The following RERE variants were observed in gnomAD, a reference collection of about 807,000 sequenced individuals.
RERE encodes arginine-glutamic acid dipeptide repeats protein.
In RERE, 40 loss-of-function variants were observed where a neutral mutation model predicts 146.1. The observed-to-expected ratio is 0.27, with a 90% CI of 0.21 to 0.36. RERE has a LOEUF of 0.36. Among genes scored for constraint, RERE ranks in the 10% least tolerant of loss-of-function variants. The probability of loss-of-function intolerance (pLI) is 1.00; values close to 1 mark genes in which losing one functional copy is unlikely to be tolerated. For missense variants in RERE, 1,933 were observed against 2,138.7 expected (o/e 0.90, Z 1.90); for synonymous variants, 1,003 against 866.0 (o/e 1.16, Z -2.78).
intron 1 of RERE, among the ~76,000 whole-genome samples, chr1:8,704,332 T>C (rs1399766407): frequency 6.6e-6 from 1 of 152,228 alleles, no homozygotes; most frequent in Non-Finnish European, 1.5e-5. Context: ...TTAAATGTAT[T>C]CCTATAAAAT....
chr1:8,599,330 T>C (rs1400023062), intron 4 of RERE, among the ~76,000 whole-genome samples: 2 of 152,214 alleles, frequency 1.3e-5, no homozygotes, highest in East Asian at 3.8e-4. Context: ...CTTGTATAAC[T>C]TCCTTCATAC....
intron 1 of RERE, among the ~76,000 whole-genome samples, chr1:8,705,998 C>T (rs1207233295): frequency 1.3e-5 from 2 of 151,094 alleles, no homozygotes; most frequent in Non-Finnish European, 2.9e-5. Flanking sequence ...CACCTGTAGT[C>T]CCAGCTACTA....
At chr1:8,644,539 A>G (rs1647238207) in intron 2 of RERE, among the ~76,000 whole-genome samples, 1 of 152,244 alleles carries the variant, frequency 6.6e-6, no homozygotes, top group African/African-American at 2.4e-5. Flanking sequence ...CTTTTCATGC[A>G]TACAACATGC....
chr1:8,458,568 C>T (rs1411850189), intron 11 of RERE, among the ~76,000 whole-genome samples: 2 of 150,626 alleles, frequency 1.3e-5, no homozygotes, highest in Admixed American at 6.6e-5. Context: ...CAGACGTGTG[C>T]GCATGCGCGC....
intron 11 of RERE, among the ~76,000 whole-genome samples, chr1:8,427,019 T>G (rs1363679219): frequency 6.6e-6 from 1 of 152,200 alleles, no homozygotes; most frequent in East Asian, 1.9e-4. Flanking sequence ...TTTGTCTCCT[T>G]TAAAAATTAT....
At chr1:8,768,356 T>C (rs547025624) in intron 1 of RERE, among the ~76,000 whole-genome samples, 6 of 152,362 alleles carry the variant, frequency 3.9e-5, no homozygotes, top group African/African-American at 1.2e-4. Context: ...TTTCAGAAGA[T>C]AATGAAAGTA....
In RERE at chr1:8,503,083, AT is replaced by A. The variant is rs1392668400; in HGVS notation, c.879+5543del. ...TGCGAGAAACACCCAAGAATGATCA[AT>A]TAAAAATAAATAAATAAATAAATAA... On this transcript the variant is annotated intron_variant, in intron 8 of 22. Coordinates refer to ENST00000400908, the MANE Select transcript of RERE (RefSeq NM_001042681.2). Among the ~76,000 whole-genome samples, 1,400 of 143,614 alleles carry A rather than the reference AT, an allele frequency of 9.7e-3. 28 individuals carry two copies. The highest frequency in any genetic ancestry group is 0.035 in the African/African-American group (1,332 of 38,036). 94.2% of individuals were successfully genotyped at this position (143,614 alleles called of 152,430 possible).
intron 1 of RERE, among the ~76,000 whole-genome samples, chr1:8,700,060 AC>A (rs1283199765): frequency 6.6e-6 from 1 of 152,326 alleles, no homozygotes; most frequent in African/African-American, 2.4e-5. Context: ...TAATACCAGC[AC>A]TTTGGGAGGC....
rs965430028 is a variant in RERE at position 8,487,520 on chromosome 1, G to C, written c.1104+7543C>G. Among the ~76,000 whole-genome samples, 14 of 152,318 alleles carry C rather than the reference G, an allele frequency of 9.2e-5. 1 individual carries two copies. The highest frequency in any genetic ancestry group is 6.5e-4 in the Admixed American group (10 of 15,298). ...TTGAGTCTGGGAGGTCAAGGCTGCA[G>C]TGATTCAAGATTGCTACACTGCACT... On this transcript the variant is annotated intron_variant, in intron 10 of 22. Transcript: ENST00000400908.
At chr1:8,604,876 T>C (rs1646682982) in intron 4 of RERE, among the ~76,000 whole-genome samples, 1 of 152,250 alleles carries the variant, frequency 6.6e-6, no homozygotes, top group Non-Finnish European at 1.5e-5. Flanking sequence ...GCTTCTGTGC[T>C]AAACTTTTGT....
chr1:8,358,987 G>A (rs1342807028), intron 19 of RERE, 71 bp from the exon 20 acceptor site: 2 of 1,475,366 alleles, frequency 1.4e-6, no homozygotes, highest in African/African-American at 1.4e-5. Flanking sequence ...ACACTGCGGA[G>A]GTGGGCCTGG....
chr1:8,529,228 A>C (rs1645607272), intron 7 of RERE, among the ~76,000 whole-genome samples: 3 of 151,632 alleles, frequency 2.0e-5, no homozygotes, highest in Admixed American at 6.6e-5. Context: ...AAAAATTTTA[A>C]ATATATTAAA....
intron 1 of RERE, among the ~76,000 whole-genome samples, chr1:8,686,681 T>C (rs1462477110): frequency 6.6e-6 from 1 of 151,462 alleles, no homozygotes; most frequent in Non-Finnish European, 1.5e-5. Flanking sequence ...ACCCGGGAGG[T>C]GGCGGTTGCA....
At chr1:8,486,178 A>T (rs1003840211) in intron 10 of RERE, among the ~76,000 whole-genome samples, 2 of 151,270 alleles carry the variant, frequency 1.3e-5, no homozygotes, top group African/African-American at 4.9e-5. Flanking sequence ...ATAAGAGAAG[A>T]TATGAATACT....
chr1:8,727,079 T>A (rs1017523399), intron 1 of RERE, among the ~76,000 whole-genome samples: 1 of 152,076 alleles, frequency 6.6e-6, no homozygotes, highest in African/African-American at 2.4e-5. Flanking sequence ...GTGCTGGGAT[T>A]ACAGCATGAG....
intron 1 of RERE, among the ~76,000 whole-genome samples, chr1:8,732,308 T>A (rs544331016): frequency 6.6e-6 from 1 of 152,098 alleles, no homozygotes; most frequent in African/African-American, 2.4e-5. Flanking sequence ...CACTGAGCAA[T>A]AAAAAGAAAT....
At chr1:8,464,999 T>C (rs1381961323) in intron 11 of RERE, 1 of 152,232 alleles carries the variant, frequency 6.6e-6, no homozygotes, top group East Asian at 1.9e-4. Context: ...CTTAGCATAT[T>C]TTAAAATACA....
intron 3 of RERE, among the ~76,000 whole-genome samples, chr1:8,622,734 C>A (rs2124221691): frequency 6.6e-6 from 1 of 151,130 alleles, no homozygotes; most frequent in East Asian, 1.9e-4. Flanking sequence ...AGTAAGCATG[C>A]AATAACTTAA....
At chr1:8,764,884 T>C (rs1640819196) in intron 1 of RERE, among the ~76,000 whole-genome samples, 1 of 152,222 alleles carries the variant, frequency 6.6e-6, no homozygotes, top group Non-Finnish European at 1.5e-5. Flanking sequence ...GCAAGGTTCA[T>C]GCATTGCTAG....
Sources: gnomAD v4.1 joint callset for allele counts (sites outside exome capture counted in the v4.1 genomes callset) on GRCh38, gnomAD v4.1.1 for gene constraint, MANE v1.5 for transcripts, NCBI Gene and HGNC (gene_info 2026-07-23, HGNC 2026-07-21) for gene names.